Variants in TPM4 observed in about 807,000 individuals in gnomAD.
TPM4 encodes the protein tropomyosin alpha-4 chain.
In TPM4, 17 loss-of-function variants were observed where a neutral mutation model predicts 35.8. That is an observed-to-expected ratio of 0.47 (90% CI 0.32 to 0.71). The LOEUF is 0.71. Ranked by LOEUF, TPM4 falls within the 30% of genes least tolerant of loss-of-function variation. The probability of loss-of-function intolerance (pLI) is 0.03; values close to 1 mark genes in which losing one functional copy is unlikely to be tolerated. For synonymous variants in TPM4, 120 were observed against 122.9 expected, an observed-to-expected ratio of 0.98 and a Z score of 0.15; for missense variants, 240 against 320.9, an observed-to-expected ratio of 0.75 and a Z score of 1.93.
At chr19:16,081,368 C>A in intron 1 of TPM4, 1 of 279,658 alleles carries the variant, frequency 3.6e-6, no homozygotes. Context: ...TATGTTGACT[C>A]AACTACCCAT....
At chr19:16,075,890 G>T, upstream of TPM4, 5 of 1,028,184 alleles carry the variant, frequency 4.9e-6, no homozygotes, top group Non-Finnish European at 6.9e-6. Flanking sequence ...CATGGATGGC[G>T]TGGTGCATGC....
chr19:16,083,657 C>CAATGT (rs1473646026), intron 2 of TPM4, among the ~76,000 whole-genome samples: 4,349 of 151,996 alleles, frequency 0.029, 183 homozygotes, highest in African/African-American at 0.091. Flanking sequence ...GGTGTGGGCC[C>CAATGT]GACCAGTGAT....
intron 1 of TPM4, chr19:16,081,246 G>A (rs1054601449): frequency 2.0e-5 from 8 of 394,798 alleles, no homozygotes; most frequent in Non-Finnish European, 3.1e-5. Context: ...AACACTGTGT[G>A]CCTTTTTCAG....
chr19:16,097,909 T>C (rs1381232773), intron 7 of TPM4, among the ~76,000 whole-genome samples: 2 of 152,070 alleles, frequency 1.3e-5, no homozygotes, highest in Admixed American at 1.3e-4. Context: ...ACCCTCAGCC[T>C]CTCCCTGCTC....
intron 5 of TPM4, among the ~76,000 whole-genome samples, chr19:16,092,044 G>A (rs1456515741): frequency 1.3e-5 from 2 of 151,914 alleles, no homozygotes; most frequent in African/African-American, 2.4e-5. Flanking sequence ...GGTGGTGGGC[G>A]CCTGTAGGCC....
At chr19:16,078,062 G>A (rs779601587) in intron 1 of TPM4, 111 of 398,012 alleles carry the variant, frequency 2.8e-4, no homozygotes, top group Non-Finnish European at 4.1e-4. Flanking sequence ...CGTGAGCCAC[G>A]GCGCCCAGCC....
intron 2 of TPM4, among the ~76,000 whole-genome samples, chr19:16,085,591 GCA>G (rs1568305780): frequency 6.6e-6 from 1 of 152,068 alleles, no homozygotes; most frequent in East Asian, 1.9e-4. Flanking sequence ...AAGAAAGGGG[GCA>G]CAGACTCTGG....
At chr19:16,085,793 G>T (rs989460453) in intron 2 of TPM4, among the ~76,000 whole-genome samples, 1 of 152,146 alleles carries the variant, frequency 6.6e-6, no homozygotes, top group African/African-American at 2.4e-5. Context: ...GGGAGGCTGG[G>T]CGCGGTGGCT....
In TPM4 at chr19:16,089,003, G is replaced by A. The variant is rs1250596545; in HGVS notation, c.456-42G>A. 5 of 1,613,046 alleles carry A rather than the reference G, an allele frequency of 3.1e-6. No individual in the cohort carries two copies. In the African/African-American group the frequency reaches 4.0e-5, roughly 13 times the overall value. On this transcript the variant is annotated intron_variant, in intron 4 of 7. Transcript: ENST00000643579. The stretch of plus-strand genomic sequence containing the variant: ...GGGGCGATTGCTATTATTGCCGGCT[G>A]TAAGGGAAGATAAGACACAAAAATC...
upstream of TPM4, among the ~76,000 whole-genome samples, chr19:16,074,135 C>T (rs11671620): frequency 0.021 from 3,169 of 151,528 alleles, 41 homozygotes; most frequent in Admixed American, 0.026. Flanking sequence ...CTAGAAGCCA[C>T]GGGCACAGCA....
At position 16,081,898 on chromosome 19, in the gene TPM4, C is replaced by T. The variant is rs764079076; in HGVS notation, c.133-15C>T. On this transcript the variant is annotated splice_polypyrimidine_tract_variant and intron_variant, in intron 1 of 7. Transcript: ENST00000643579. ...CTGATACTTCTTAACATGGCTGCAC[C>T]TCCGACCTCCCCAGGCTGAAGGTGA... The T allele has an allele frequency of 4.4e-6, 7 of 1,580,806 alleles. No individual in the cohort carries two copies. The African/African-American group carries it at 9.4e-5, about 21-fold the overall frequency.
chr19:16,088,697 C>T (rs756202480), intron 4 of TPM4: 128 of 1,064,108 alleles, frequency 1.2e-4, no homozygotes, highest in Non-Finnish European at 1.4e-4. Context: ...GCTCTCTGCC[C>T]GCCTTCTGCC....
At chr19:16,084,407 G>T (rs897012095) in intron 2 of TPM4, among the ~76,000 whole-genome samples, 6 of 152,216 alleles carry the variant, frequency 3.9e-5, no homozygotes, top group Non-Finnish European at 7.3e-5. Context: ...AGCTCCGGCA[G>T]CCACGGGGCA....
At position 16,101,978 on chromosome 19, in the gene TPM4, T is replaced by G. The variant is rs1229203297; in HGVS notation, c.*632T>G. The stretch of plus-strand genomic sequence containing the variant: ...TAGAATGCTTGGGAAATAGTCATAA[T>G]TACCCACATATAGTAATTAATAGAT... On this transcript the variant is annotated 3_prime_UTR_variant, in exon 8 of 8. Transcript: ENST00000643579. 4.6e-6 allele frequency: 1 copy of G among 219,714 alleles called. No homozygotes were observed. Among genetic ancestry groups the G allele is most frequent in the African/African-American group, 2.2e-5 (1 of 44,586 alleles). The allele number at this position is 219,714 out of a possible 1,614,324, so 13.6% of individuals were successfully genotyped here. A position where few individuals can be genotyped will look rare whatever the true frequency, so the allele number is the denominator to read the frequency against.
chr19:16,069,875 G>C (rs1402579763), intron 2 of TPM4, among the ~76,000 whole-genome samples: 1 of 151,984 alleles, frequency 6.6e-6, no homozygotes, highest in Non-Finnish European at 1.5e-5. Context: ...TGTGAGGGGG[G>C]CTGTGCGAAC....
At chr19:16,083,011 AAAAGC>A (rs1367915205) in intron 2 of TPM4, among the ~76,000 whole-genome samples, 1 of 150,094 alleles carries the variant, frequency 6.7e-6, no homozygotes, top group African/African-American at 2.4e-5. Context: ...AAAAAAAAAA[AAAAGC>A]AGAGTACTGT....
At chr19:16,087,127 T>G (rs1356061404) in intron 3 of TPM4, among the ~76,000 whole-genome samples, 1 of 151,234 alleles carries the variant, frequency 6.6e-6, no homozygotes, top group Admixed American at 6.6e-5. Flanking sequence ...ATAATAATAA[T>G]AATAATTAGC....
chr19:16,089,918 G>C (rs2144947672), intron 5 of TPM4, among the ~76,000 whole-genome samples: 1 of 151,828 alleles, frequency 6.6e-6, no homozygotes. Context: ...GAGTGAAGTG[G>C]CGTGATCTCA....
intron 1 of TPM4, among the ~76,000 whole-genome samples, chr19:16,079,378 C>T (rs557046946): frequency 1.3e-5 from 2 of 152,186 alleles, no homozygotes; most frequent in Non-Finnish European, 2.9e-5. Context: ...TTTGCAACAT[C>T]AGTTCCTGGC....
Sources: gnomAD v4.1 joint callset for allele counts (sites outside exome capture counted in the v4.1 genomes callset) on GRCh38, gnomAD v4.1.1 for gene constraint, MANE v1.5 for transcripts, NCBI Gene and HGNC (gene_info 2026-07-23, HGNC 2026-07-21) for gene names.